The following KCNH7 variants were observed in gnomAD, a reference collection of about 807,000 sequenced individuals.
KCNH7 encodes the protein potassium voltage-gated channel subfamily H member 7, also known as voltage-gated inwardly rectifying potassium channel KCNH7.
In KCNH7, 49 loss-of-function variants were observed where a neutral mutation model predicts 120.8. That is an observed-to-expected ratio of 0.41 (90% CI 0.32 to 0.51). The LOEUF (loss-of-function observed/expected upper bound fraction) is 0.51, where lower values mean the gene tolerates loss of function less well. KCNH7 is among the 20% of genes least tolerant of loss of function. The probability of loss-of-function intolerance (pLI) is 0.38; values close to 1 mark genes in which losing one functional copy is unlikely to be tolerated. For synonymous variants in KCNH7, 547 were observed against 516.1 expected (o/e 1.06, Z -0.81); for missense variants, 1,097 against 1,446.6 (o/e 0.76, Z 3.92).
In KCNH7 at chr2:162,517,841, A is replaced by C. The variant is rs1397883597; in HGVS notation, c.781T>G (p.Ser261Ala). 6.2e-7 allele frequency: 1 copy of C among 1,612,374 alleles called. No individual in the cohort carries two copies. The highest frequency in any genetic ancestry group is 8.5e-7 in the Non-Finnish European group (1 of 1,178,896). Residue 261 changes from serine to alanine, a missense_variant, in exon 4 of 16, where the codon TCC (serine) becomes GCC (alanine). By Grantham distance (99) the Ser-to-Ala change is moderately conservative. Around this residue, in one of 8 missense-constraint regions of KCNH7, gnomAD observed 362 missense variants for 372.2 expected, o/e 0.97. Coordinates refer to ENST00000332142, the MANE Select transcript of KCNH7 (RefSeq NM_033272.4). ...CTACATAAGCTTTCCCTTGATCTGGAATGGGACAGCTGGGAACTTGACTGC... is the reference window on the plus strand; with the variant it reads ...CTACATAAGCTTTCCCTTGATCTGGCATGGGACAGCTGGGAACTTGACTGC... The part of the protein sequence containing the change: ...MLQSSSQLSH[S>A]RSRESLCSIR...
rs1353531092 is a variant in KCNH7 at position 162,462,473 on chromosome 2, T to C, written c.1129-16030A>G. The stretch of plus-strand genomic sequence containing the variant: ...TTGGATTTCTATGGATCTCTGAATG[T>C]TTGTGTATGATCACAAACACATCTA... On this transcript the variant is annotated intron_variant, in intron 6 of 15. Coordinates refer to ENST00000332142, the MANE Select transcript of KCNH7 (RefSeq NM_033272.4). Among the ~76,000 whole-genome samples, 4 of 152,090 alleles carry C rather than the reference T, an allele frequency of 2.6e-5. No individual in the cohort carries two copies. In the East Asian group the frequency reaches 7.7e-4, roughly 29 times the overall value.
chr2:162,670,127 T>G (rs140000595), intron 2 of KCNH7, among the ~76,000 whole-genome samples: 2 of 149,406 alleles, frequency 1.3e-5, no homozygotes, highest in African/African-American at 4.9e-5. Context: ...AGAAGAAAAT[T>G]GACTCCCAAA....
chr2:162,592,793 T>C (rs1189460907), intron 2 of KCNH7, among the ~76,000 whole-genome samples: 1 of 152,084 alleles, frequency 6.6e-6, no homozygotes, highest in African/African-American at 2.4e-5. Flanking sequence ...ATCAACTTAG[T>C]TTCTGTTGAG....
At chr2:162,808,654 T>C (rs1343118523) in intron 2 of KCNH7, among the ~76,000 whole-genome samples, 1 of 152,136 alleles carries the variant, frequency 6.6e-6, no homozygotes, top group East Asian at 1.9e-4. Context: ...ATCTTGATAC[T>C]CTATTTGTTC....
intron 2 of KCNH7, among the ~76,000 whole-genome samples, chr2:162,777,424 T>A (rs1683282713): frequency 6.6e-6 from 1 of 152,134 alleles, no homozygotes; most frequent in Non-Finnish European, 1.5e-5. Context: ...ACATTCTTTT[T>A]ATTGTCAATA....
At chr2:162,672,270 T>A (rs1039489721) in intron 2 of KCNH7, among the ~76,000 whole-genome samples, 1 of 152,036 alleles carries the variant, frequency 6.6e-6, no homozygotes, top group Non-Finnish European at 1.5e-5. Flanking sequence ...ATAAAGTAAC[T>A]TTTAGCAAAT....
intron 2 of KCNH7, among the ~76,000 whole-genome samples, chr2:162,686,490 A>G (rs966428600): frequency 2.0e-5 from 3 of 152,236 alleles, no homozygotes; most frequent in Admixed American, 6.6e-5. Context: ...AATGGTATAG[A>G]TGTTTGTCAT....
intron 2 of KCNH7, among the ~76,000 whole-genome samples, chr2:162,615,517 G>C (rs1468347552): frequency 6.6e-6 from 1 of 152,074 alleles, no homozygotes; most frequent in Non-Finnish European, 1.5e-5. Context: ...ATTCTCCTGA[G>C]GCTTAAAAAA....
intron 2 of KCNH7, among the ~76,000 whole-genome samples, chr2:162,600,819 G>A (rs1365082371): frequency 2.0e-5 from 3 of 152,014 alleles, no homozygotes; most frequent in Non-Finnish European, 2.9e-5. Flanking sequence ...CCTAGATCAG[G>A]TATGGCAGGT....
At chr2:162,802,613 C>T (rs1254760923) in intron 2 of KCNH7, among the ~76,000 whole-genome samples, 4 of 151,292 alleles carry the variant, frequency 2.6e-5, no homozygotes, top group Non-Finnish European at 5.9e-5. Context: ...GTAGCTATAG[C>T]AAAAATGTAA....
chr2:162,580,693 G>C (rs958173944), intron 2 of KCNH7, among the ~76,000 whole-genome samples: 1 of 152,040 alleles, frequency 6.6e-6, no homozygotes. Context: ...GAGGACTGGA[G>C]AGAAGAACAG....
chr2:162,576,886 C>A (rs1307691878), intron 2 of KCNH7, among the ~76,000 whole-genome samples: 2 of 151,706 alleles, frequency 1.3e-5, no homozygotes, highest in South Asian at 4.2e-4. Context: ...ACTCTTCCTG[C>A]AATTTCTATT....
intron 2 of KCNH7, among the ~76,000 whole-genome samples, chr2:162,651,358 C>T (rs1684559005): frequency 1.3e-5 from 2 of 152,018 alleles, no homozygotes; most frequent in Admixed American, 1.3e-4. Context: ...CACTCCTCTC[C>T]CTCCTCCCAC....
chr2:162,691,733 C>T (rs1019319245), intron 2 of KCNH7, among the ~76,000 whole-genome samples: 4 of 152,086 alleles, frequency 2.6e-5, no homozygotes, highest in Non-Finnish European at 4.4e-5. Flanking sequence ...TCTACATTTC[C>T]TCAACACACC....
At chr2:162,785,326 T>G (rs1235160140) in intron 2 of KCNH7, among the ~76,000 whole-genome samples, 1 of 152,230 alleles carries the variant, frequency 6.6e-6, no homozygotes, top group Non-Finnish European at 1.5e-5. Context: ...ATACACCAGT[T>G]AGCAATATCT....
intron 2 of KCNH7, among the ~76,000 whole-genome samples, chr2:162,731,241 T>C (rs1158301314): frequency 6.7e-6 from 1 of 149,072 alleles, no homozygotes; most frequent in Non-Finnish European, 1.5e-5. Flanking sequence ...TATGTGTGTG[T>C]GTGTGTGTAT....
chr2:162,735,141 G>C (rs2105398720), intron 2 of KCNH7, among the ~76,000 whole-genome samples: 1 of 152,262 alleles, frequency 6.6e-6, no homozygotes, highest in East Asian at 1.9e-4. Context: ...AACTGCCTTT[G>C]GAGAATTATA....
chr2:162,795,299 A>G (rs1346911567), intron 2 of KCNH7: 2 of 152,082 alleles, frequency 1.3e-5, no homozygotes, highest in African/African-American at 4.8e-5. Context: ...AGGGAGTGTT[A>G]TGGTGAAAGG....
At chr2:162,713,179 G>C (rs937328335) in intron 2 of KCNH7, among the ~76,000 whole-genome samples, 1 of 152,104 alleles carries the variant, frequency 6.6e-6, no homozygotes, top group African/African-American at 2.4e-5. Flanking sequence ...CTTATGATTG[G>C]AAAAAGCAGA....
Sources: allele counts gnomAD v4.1 joint callset (sites outside exome capture counted in the v4.1 genomes callset), GRCh38; gene constraint gnomAD v4.1.1; regional missense constraint gnomAD v4.1.1; transcripts MANE v1.5; gene names NCBI Gene and HGNC (gene_info 2026-07-23, HGNC 2026-07-21).